The following TMEM45A variants were observed in gnomAD, a reference collection of about 807,000 sequenced individuals.
TMEM45A encodes the protein transmembrane protein 45A.
In TMEM45A, 25 loss-of-function variants were observed where a neutral mutation model predicts 32.0. The observed-to-expected ratio is 0.78, with a 90% CI of 0.57 to 1.09. TMEM45A has a LOEUF of 1.09. Among genes scored for constraint, TMEM45A ranks in the 50% least tolerant of loss-of-function variants. TMEM45A has a pLI of 0.00. For missense variants in TMEM45A, 302 were observed against 325.0 expected, an observed-to-expected ratio of 0.93 and a Z score of 0.54; for synonymous variants, 122 against 114.8, an observed-to-expected ratio of 1.06 and a Z score of -0.40.
At chr3:100,516,627 A>G (rs1416240838) in intron 1 of TMEM45A, among the ~76,000 whole-genome samples, 6 of 151,830 alleles carry the variant, frequency 4.0e-5, no homozygotes, top group African/African-American at 1.5e-4. Context: ...TCTGTCAGCA[A>G]CTCTCTCCAG....
At chr3:100,496,824 C>T (rs1037259101) in intron 1 of TMEM45A, among the ~76,000 whole-genome samples, 3 of 152,180 alleles carry the variant, frequency 2.0e-5, no homozygotes, top group Admixed American at 2.0e-4. Flanking sequence ...TGTGACCACA[C>T]TATTTTTATT....
chr3:100,554,716 G>T (rs1240699247), intron 1 of TMEM45A, among the ~76,000 whole-genome samples: 1 of 152,178 alleles, frequency 6.6e-6, no homozygotes, highest in Non-Finnish European at 1.5e-5. Flanking sequence ...TAAACATAAA[G>T]ATAAAACTTT....
At chr3:100,514,152 G>A (rs1708219003) in intron 1 of TMEM45A, among the ~76,000 whole-genome samples, 1 of 152,140 alleles carries the variant, frequency 6.6e-6, no homozygotes, top group African/African-American at 2.4e-5. Flanking sequence ...AACCAAAAAA[G>A]AGCCCGCATT....
chr3:100,568,073 C>T (rs986225518), intron 4 of TMEM45A, among the ~76,000 whole-genome samples: 1 of 152,186 alleles, frequency 6.6e-6, no homozygotes, highest in Admixed American at 6.5e-5. Flanking sequence ...GCGTGAGCCA[C>T]CACGCCTGGC....
intron 4 of TMEM45A, among the ~76,000 whole-genome samples, chr3:100,568,410 T>G (rs953760208): frequency 2.6e-5 from 4 of 152,226 alleles, no homozygotes; most frequent in Admixed American, 6.5e-5. Context: ...CATGTCTCGT[T>G]CCTGATATTA....
intron 1 of TMEM45A, among the ~76,000 whole-genome samples, chr3:100,509,100 C>G (rs1345614503): frequency 6.6e-6 from 1 of 152,140 alleles, no homozygotes. Context: ...ATACAACGAA[C>G]TCCATCAACT....
chr3:100,550,934 A>G (rs1339906331), intron 1 of TMEM45A, among the ~76,000 whole-genome samples: 1 of 151,718 alleles, frequency 6.6e-6, no homozygotes, highest in Non-Finnish European at 1.5e-5. Flanking sequence ...GGGAGGAGGA[A>G]GAATTTTTAG....
chr3:100,515,217 T>A (rs565164336), intron 1 of TMEM45A, among the ~76,000 whole-genome samples: 1 of 152,116 alleles, frequency 6.6e-6, no homozygotes, highest in Non-Finnish European at 1.5e-5. Flanking sequence ...AGCAAAGACT[T>A]GGAACCAACC....
intron 5 of TMEM45A, 36 bp downstream of exon 5, chr3:100,569,003 C>T: frequency 1.3e-6 from 2 of 1,589,100 alleles, no homozygotes; most frequent in South Asian, 2.3e-5. Context: ...AAGTTCTGTT[C>T]CTTGGTATGT....
intron 4 of TMEM45A, among the ~76,000 whole-genome samples, chr3:100,568,339 C>T (rs539297643): frequency 3.3e-5 from 5 of 152,260 alleles, no homozygotes; most frequent in African/African-American, 1.2e-4. Context: ...TAAATCTTAA[C>T]TTAATTGCTC....
At chr3:100,509,567 G>T (rs1471958563) in intron 1 of TMEM45A, among the ~76,000 whole-genome samples, 1 of 152,212 alleles carries the variant, frequency 6.6e-6, no homozygotes. Context: ...AATGGGTAAA[G>T]AAAATGTGGT....
At chr3:100,506,887 T>A (rs2148931844) in intron 1 of TMEM45A, among the ~76,000 whole-genome samples, 1 of 152,298 alleles carries the variant, frequency 6.6e-6, no homozygotes, top group South Asian at 2.1e-4. Context: ...GGGGGCTAGC[T>A]AAGCCAAGTT....
At chr3:100,560,454 C>T (rs989552257) in intron 4 of TMEM45A, among the ~76,000 whole-genome samples, 16 of 152,058 alleles carry the variant, frequency 1.1e-4, no homozygotes, top group African/African-American at 3.9e-4. Flanking sequence ...AATGTTATTT[C>T]CATGTGCTTC....
At chr3:100,576,885 TA>T (rs773806244) in intron 5 of TMEM45A, 39 bp from the exon 6 acceptor site, 1 of 1,499,744 alleles carries the variant, frequency 6.7e-7, no homozygotes, top group Non-Finnish European at 9.3e-7. Context: ...GTTTCTATTT[TA>T]AAAACCGTCT....
In TMEM45A at chr3:100,571,986, A is replaced by C. The variant is rs1176773036; in HGVS notation, c.734+3019A>C. Reference sequence around the variant, plus strand: ...GGTGTATATGTGCCACATTTTCTTAATCCAATCTATCGTTGTTGGACATTT... The same window carrying C: ...GGTGTATATGTGCCACATTTTCTTACTCCAATCTATCGTTGTTGGACATTT... On this transcript the variant is annotated intron_variant, in intron 5 of 5. Transcript: ENST00000323523. 3.3e-5 allele frequency: 5 copies of C among 152,120 alleles called. No individual in the cohort carries two copies. The East Asian group carries it at 9.6e-4, about 29-fold the overall frequency. 9.4% of individuals were successfully genotyped at this position (152,120 alleles called of 1,614,324 possible).
chr3:100,572,191 G>A (rs1194025353), intron 5 of TMEM45A: 1 of 152,068 alleles, frequency 6.6e-6, no homozygotes. Context: ...TTCCACAATG[G>A]TTGAACTAGT....
chr3:100,568,654 ACTCT>A (rs1706492384), intron 4 of TMEM45A, among the ~76,000 whole-genome samples, 164 bp from the exon 5 acceptor site: 1 of 152,106 alleles, frequency 6.6e-6, no homozygotes, highest in African/African-American at 2.4e-5. Context: ...CATATTAGAG[ACTCT>A]CTATATTACT....
intron 1 of TMEM45A, among the ~76,000 whole-genome samples, chr3:100,512,810 A>G (rs1708190106): frequency 4.0e-5 from 6 of 151,706 alleles, no homozygotes; most frequent in Admixed American, 3.9e-4. Flanking sequence ...CTGATCCCAC[A>G]GAAATACAAA....
intron 1 of TMEM45A, among the ~76,000 whole-genome samples, chr3:100,532,605 T>G (rs932769567): frequency 6.6e-6 from 1 of 152,130 alleles, no homozygotes; most frequent in Non-Finnish European, 1.5e-5. Context: ...AGTACAGTAT[T>G]TGATACAGAG....
Sources: allele counts gnomAD v4.1 joint callset (sites outside exome capture counted in the v4.1 genomes callset), GRCh38; gene constraint gnomAD v4.1.1; transcripts MANE v1.5; gene names NCBI Gene and HGNC (gene_info 2026-07-23, HGNC 2026-07-21).